The following PLIN4 variants were observed in gnomAD, a reference collection of about 807,000 sequenced individuals.
PLIN4 encodes perilipin-4.
In PLIN4, 57 loss-of-function variants were observed where a neutral mutation model predicts 52.4. The observed-to-expected ratio is 1.09, with a 90% confidence interval of 0.88 to 1.36. The LOEUF (loss-of-function observed/expected upper bound fraction) is 1.36. Ranked by LOEUF, PLIN4 falls within the 40% of genes most tolerant of loss-of-function variation. PLIN4 has a pLI of 0.00. For synonymous variants in PLIN4, 826 were observed against 785.4 expected, an observed-to-expected ratio of 1.05 and a Z score of -0.86; for missense variants, 1,757 against 1,770.3, an observed-to-expected ratio of 0.99 and a Z score of 0.13.
Position 4,512,361 on chromosome 19 carries a change from G to A in PLIN4, c.1599C>T (p.Asp533=), listed in dbSNP as rs1976420123. 6.2e-7 allele frequency: 1 copy of A among 1,608,810 alleles called. No homozygotes were observed. Among genetic ancestry groups the A allele is most frequent in the Non-Finnish European group, 8.5e-7 (1 of 1,177,802 alleles). The stretch of plus-strand genomic sequence containing the variant: ...CACTGGTCACCCCACTGCAGACGGT[G>A]TCCTTGGTGCCGGTTAGGACAGTCT... ...TTKTVLTGTK[D]TVCSGVTSAV... The change falls in exon 5 of 8, where the codon GAC becomes GAT. Residue 533 remains aspartate, a synonymous_variant. Coordinates refer to ENST00000301286, the MANE Select transcript of PLIN4 (RefSeq NM_001367868.2).
chr19:4,516,905 G>A (rs1375171673), intron 3 of PLIN4, among the ~76,000 whole-genome samples: 2 of 152,222 alleles, frequency 1.3e-5, no homozygotes, highest in Non-Finnish European at 2.9e-5. Flanking sequence ...CTGAAGTAGG[G>A]CTCTGTGGAA....
chr19:4,512,314 G>A lies in PLIN4; in HGVS notation c.1646C>T (p.Ala549Val). The change falls in exon 5 of 8, where the codon GCC (alanine) becomes GTC (valine). Residue 549 changes from alanine (A) to valine (V), a missense_variant. Physicochemically the swap from Ala to Val is moderately conservative, Grantham distance 64. Transcript: ENST00000301286. Reference sequence around the variant, plus strand: ...GGTGGTGTCCAGGCCCCCCTGGACGGCCCCTTTGGCCACGTTCACAGCACT... The same window carrying A: ...GGTGGTGTCCAGGCCCCCCTGGACGACCCCTTTGGCCACGTTCACAGCACT... The part of the protein sequence containing the change: ...VTSAVNVAKG[A>V]VQGGLDTTKS... 6.2e-7 allele frequency: 1 copy of A among 1,611,704 alleles called. No homozygotes were observed. Among genetic ancestry groups the A allele is most frequent in the Non-Finnish European group, 8.5e-7 (1 of 1,179,554 alleles).
At chr19:4,506,881 G>T (rs1046195193) in intron 6 of PLIN4, among the ~76,000 whole-genome samples, 1 of 152,260 alleles carries the variant, frequency 6.6e-6, no homozygotes, top group Non-Finnish European at 1.5e-5. Context: ...GCACGGCAGC[G>T]ACTGTGCATC....
At position 4,512,660 on chromosome 19, in the gene PLIN4, C is replaced by A. The variant is rs536489630; in HGVS notation, c.1300G>T (p.Asp434Tyr). The stretch of plus-strand genomic sequence containing the variant: ...CCAGTCACCCCACTGCAGACGGTGT[C>A]CTTTGTACCTGTTGCGATATTTTGG... ...TTQNIATGTK[D>Y]TVCSGVTGAM... The change falls in exon 5 of 8, where the codon GAC (aspartate) becomes TAC (tyrosine). Residue 434 changes from aspartate (D) to tyrosine (Y), a missense_variant. Asp to Tyr is a radical substitution (Grantham distance 160, BLOSUM62 -3). Coordinates refer to ENST00000301286, the MANE Select transcript of PLIN4 (RefSeq NM_001367868.2). 2 of 1,561,120 alleles carry A rather than the reference C, an allele frequency of 1.3e-6. No homozygotes were observed. Among genetic ancestry groups the A allele is most frequent in the Non-Finnish European group, 1.7e-6 (2 of 1,157,382 alleles).
At position 4,513,671 on chromosome 19, in the gene PLIN4, A is replaced by C. The variant is rs1210475143; in HGVS notation, c.289T>G (p.Ser97Ala). 10 of 1,597,686 alleles carry C rather than the reference A, an allele frequency of 6.3e-6. No individual in the cohort carries two copies. Among genetic ancestry groups the C allele is most frequent in the Non-Finnish European group, 8.5e-6 (10 of 1,171,688 alleles). ...GCATCCTTGGCCCTGGACATCTTGG[A>C]ACACACCAGGTCTTTGGCCCCGGAC... ...MVSGAKDLVC[S>A]KMSRAKDAVS... Residue 97 changes from serine to alanine, a missense_variant, in exon 5 of 8, where the codon TCC (serine) becomes GCC (alanine). Physicochemically the swap from Ser to Ala is moderately conservative, Grantham distance 99. Transcript: ENST00000301286.
In PLIN4 at chr19:4,518,376, G is replaced by T; in HGVS notation, c.-18+9C>A. 1.6e-6 allele frequency: 2 copies of T among 1,231,430 alleles called. No homozygotes were observed. Among genetic ancestry groups the T allele is most frequent in the Admixed American group, 4.2e-5 (1 of 23,706 alleles). 76.3% of individuals were successfully genotyped at this position (1,231,430 alleles called of 1,614,324 possible). On this transcript the variant is annotated intron_variant, in intron 1 of 7. Transcript: ENST00000301286. ...TCCCCACTGAAAGCCTGAGCAGCCC[G>T]ACACCCACCTGCAGGCCTGGCCTCA...
In PLIN4 at chr19:4,512,013, C is replaced by T; in HGVS notation, c.1947G>A (p.Val649=). The T allele has an allele frequency of 1.2e-6, 2 of 1,610,846 alleles. No individual in the cohort carries two copies. The change falls in exon 5 of 8, where the codon GTG becomes GTA. Residue 649 remains valine, a synonymous_variant. Coordinates refer to ENST00000301286, the MANE Select transcript of PLIN4 (RefSeq NM_001367868.2). ...TTTGGGTCGTTTTCAGCCCAGTTTG[C>T]ACAGCCCCCTTGGCCACGTTCACGG... is the stretch of plus-strand genomic sequence containing the variant. ...TSAVNVAKGA[V]QTGLKTTQNI...
chr19:4,502,467 C>T lies in PLIN4; in HGVS notation c.*1992G>A, dbSNP rs532369222. 1,499 of 297,570 alleles carry T rather than the reference C, an allele frequency of 5.0e-3. 5 individuals are homozygous for T. The highest frequency in any genetic ancestry group is 8.4e-3 in the Non-Finnish European group (1,317 of 157,496). The allele number at this position is 297,570 out of a possible 1,614,324, so 18.4% of individuals were successfully genotyped here. ...AAGCTGTGCTGCCTGCGCCCTGCCC[C>T]GCACCCACGAGGCTGGGGGGTTTGA... On this transcript the variant is annotated 3_prime_UTR_variant, in exon 8 of 8. Coordinates refer to ENST00000301286, the MANE Select transcript of PLIN4 (RefSeq NM_001367868.2).
chr19:4,505,581 GGC>G (rs774999321), intron 6 of PLIN4, among the ~76,000 whole-genome samples: 6 of 152,140 alleles, frequency 3.9e-5, no homozygotes, highest in Non-Finnish European at 8.8e-5. Context: ...ATCCGCCCCT[GGC>G]AGGGGAACAC....
In PLIN4 at chr19:4,510,883, G is replaced by A. The variant is rs1285906484; in HGVS notation, c.3077C>T (p.Thr1026Ile). Residue 1026 changes from threonine to isoleucine, a missense_variant, in exon 5 of 8, where the codon ACC (threonine) becomes ATC (isoleucine). Physicochemically the swap from Thr to Ile is moderately conservative, Grantham distance 89. Coordinates refer to ENST00000301286, the MANE Select transcript of PLIN4 (RefSeq NM_001367868.2). The stretch of plus-strand genomic sequence containing the variant: ...GAGCCCAGCGGACACTGCGTCTTTG[G>A]TTCCGGTCAGCACTGTCTTGGTGGT... Reference protein sequence around the residue: ...LDTTKTVLTGTKDAVSAGLMG... With the variant: ...LDTTKTVLTGIKDAVSAGLMG... The A allele has an allele frequency of 6.2e-7, 1 of 1,613,576 alleles. No individual in the cohort carries two copies. Among genetic ancestry groups the A allele is most frequent in the Non-Finnish European group, 8.5e-7 (1 of 1,179,874 alleles).
intron 4 of PLIN4, among the ~76,000 whole-genome samples, chr19:4,515,642 A>T (rs1367210703): frequency 6.6e-6 from 1 of 152,106 alleles, no homozygotes; most frequent in Non-Finnish European, 1.5e-5. Context: ...ATGTCTGGAG[A>T]CATCTGTAGT....
chr19:4,509,865 G>A (rs1976232132), intron 5 of PLIN4, among the ~76,000 whole-genome samples: 1 of 152,026 alleles, frequency 6.6e-6, no homozygotes, highest in African/African-American at 2.4e-5. Context: ...AGGCTGTAGT[G>A]AACGCACCAC....
At position 4,518,166 on chromosome 19, in the gene PLIN4, C is replaced by T. The variant is rs774336863; in HGVS notation, c.51+56G>A. ...CCAGGACTGTGGAGGTCACCTTCCC[C>T]GGCTCTGGGGCATCTCCAGGCCCCA... On this transcript the variant is annotated intron_variant, in intron 2 of 7. Coordinates refer to ENST00000301286, the MANE Select transcript of PLIN4 (RefSeq NM_001367868.2). The T allele has an allele frequency of 1.9e-4, 229 of 1,218,298 alleles. 1 individual carries two copies. Among genetic ancestry groups the T allele is most frequent in the Non-Finnish European group, 2.2e-4 (211 of 975,004 alleles). The allele number at this position is 1,218,298 out of a possible 1,614,324, so 75.5% of individuals were successfully genotyped here. A position where few individuals can be genotyped will look rare whatever the true frequency, so the allele number is the denominator to read the frequency against.
chr19:4,510,491 C>T lies in PLIN4; in HGVS notation c.3469G>A (p.Glu1157Lys). ...GGGTGGAAGATGTCCCCCAGCCCCT[C>T]CAACTCATTCTGCAGCATTGCCAAG... ...PRLAMLQNEL[E>K]GLGDIFHPMN... The change falls in exon 5 of 8, where the codon GAG (glutamate) becomes AAG (lysine). Residue 1157 changes from glutamate (E) to lysine (K), a missense_variant. Physicochemically the swap from Glu to Lys is moderately conservative, Grantham distance 56. Transcript: ENST00000301286. 6.8e-7 allele frequency: 1 copy of T among 1,465,474 alleles called. No homozygotes were observed. The highest frequency in any genetic ancestry group is 9.0e-7 in the Non-Finnish European group (1 of 1,107,820). 90.8% of individuals were successfully genotyped at this position (1,465,474 alleles called of 1,614,324 possible).
In PLIN4 at chr19:4,502,205, A is replaced by AAAG. The variant is rs911114883; in HGVS notation, c.*2251_*2253dup. The AAAG allele has an allele frequency of 3.0e-6, 2 of 670,700 alleles. No individual in the cohort carries two copies. Among genetic ancestry groups the AAAG allele is most frequent in the African/African-American group, 3.7e-5 (2 of 54,708 alleles). The allele number at this position is 670,700 out of a possible 1,614,324, so 41.5% of individuals were successfully genotyped here. A position where few individuals can be genotyped will look rare whatever the true frequency, so the allele number is the denominator to read the frequency against. The stretch of plus-strand genomic sequence containing the variant: ...GACTATAAATGGTTTTTTAATGAAA[A>AAAG]AAGAAATCACTTTTATTGGCTTGGT... On this transcript the variant is annotated 3_prime_UTR_variant, in exon 8 of 8. Coordinates refer to ENST00000301286, the MANE Select transcript of PLIN4 (RefSeq NM_001367868.2).
intron 6 of PLIN4, among the ~76,000 whole-genome samples, chr19:4,506,648 G>T (rs1264587230): frequency 1.2e-4 from 18 of 152,188 alleles, no homozygotes; most frequent in Admixed American, 1.2e-3. Flanking sequence ...TTCACGTGTG[G>T]CCCTGAGCAA....
chr19:4,509,914 T>TA lies in PLIN4; in HGVS notation c.3514+531dup, dbSNP rs925122869. On this transcript the variant is annotated intron_variant, in intron 5 of 7. Transcript: ENST00000301286. The stretch of plus-strand genomic sequence containing the variant: ...GGGTGACAGAGCAAGACCTTGTCTC[T>TA]AAAAAAATGAAAAAGGGCCAGGTGC... Among the ~76,000 whole-genome samples the TA allele has an allele frequency of 1.0e-4, 15 of 147,938 alleles. No individual in the cohort carries two copies. The Admixed American group carries it at 1.0e-3, about 10-fold the overall frequency.
rs904805227 is a variant in PLIN4 at position 4,518,468 on chromosome 19, ACCGGC to A, written c.-106_-102del. Reference sequence around the variant, plus strand: ...CTGCGCGGGGTCCCCTGGAGGACGGACCGGCCCGGCTGGCAGCTGGCTCTACCCTC... The same window carrying A: ...CTGCGCGGGGTCCCCTGGAGGACGGACCGGCTGGCAGCTGGCTCTACCCTC... On this transcript the variant is annotated 5_prime_UTR_variant, in exon 1 of 8. Transcript: ENST00000301286. The A allele has an allele frequency of 1.2e-4, 144 of 1,218,886 alleles. 1 individual carries two copies. Among genetic ancestry groups the A allele is most frequent in the Admixed American group, 2.2e-4 (5 of 23,240 alleles). 75.5% of individuals were successfully genotyped at this position (1,218,886 alleles called of 1,614,324 possible).
At chr19:4,514,031 T>C (rs911953201) in intron 4 of PLIN4, among the ~76,000 whole-genome samples, 2 of 152,200 alleles carry the variant, frequency 1.3e-5, no homozygotes, top group African/African-American at 4.8e-5. Flanking sequence ...TCAGCCAGGG[T>C]CCCCAGGCCT....
Sources: gnomAD v4.1 joint callset for allele counts (sites outside exome capture counted in the v4.1 genomes callset) on GRCh38, gnomAD v4.1.1 for gene constraint, MANE v1.5 for transcripts, NCBI Gene and HGNC (gene_info 2026-07-23, HGNC 2026-07-21) for gene names.